Variants in DEAF1 observed in about 807,000 individuals in gnomAD.
DEAF1 encodes the protein deformed epidermal autoregulatory factor 1 homolog.
DEAF1 carries 53 observed loss-of-function variants against 58.9 expected under a neutral mutation model. The ratio of observed to expected loss-of-function variants is 0.90; its 90% CI spans 0.72 to 1.13. The LOEUF is 1.13. Ranked by LOEUF, DEAF1 falls within the 50% of genes most tolerant of loss-of-function variation. The pLI, the probability that DEAF1 is intolerant of heterozygous loss-of-function variation, is 0.00. For missense variants in DEAF1, 685 were observed against 791.4 expected, an observed-to-expected ratio of 0.87 and a Z score of 1.61; for synonymous variants, 385 against 340.4, an observed-to-expected ratio of 1.13 and a Z score of -1.44.
intron 10 of DEAF1, among the ~76,000 whole-genome samples, chr11:661,492 C>T (rs1466325046): frequency 5.3e-5 from 8 of 152,064 alleles, no homozygotes; most frequent in Non-Finnish European, 7.4e-5. Context: ...GGTGGATCAC[C>T]GGAGGTCAGG....
intron 2 of DEAF1, among the ~76,000 whole-genome samples, chr11:690,093 G>A (rs543641396): frequency 1.3e-5 from 2 of 148,490 alleles, no homozygotes; most frequent in South Asian, 2.2e-4. Context: ...TTGGGAGGCC[G>A]AGATGGTAGC....
chr11:678,687 AACCT>A lies in DEAF1; in HGVS notation c.1255+3_1255+6del. ...ACCTGTACATGTGTGAATTCTTTCA[AACCT>A]ACCTATTTTGGGATGTGACGTTGGC... On this transcript the variant is annotated splice_donor_5th_base_variant and intron_variant, in intron 9 of 11. Coordinates refer to ENST00000382409, the MANE Select transcript of DEAF1 (RefSeq NM_021008.4). 6.2e-7 allele frequency: 1 copy of A among 1,614,014 alleles called. No homozygotes were observed. The highest frequency in any genetic ancestry group is 8.5e-7 in the Non-Finnish European group (1 of 1,179,936).
Position 688,457 on chromosome 11 carries a change from C to T in DEAF1, c.391G>A (p.Gly131Ser), listed in dbSNP as rs1467315777. 1.2e-6 allele frequency: 2 copies of T among 1,613,726 alleles called. No homozygotes were observed. The highest frequency in any genetic ancestry group is 1.7e-5 in the Admixed American group (1 of 60,014). ...TCCCCGATCTGAAGGGCCGTCCTAC[C>T]AGACTAGAAGGAAAAACCGCTCCGT... is the stretch of plus-strand genomic sequence containing the variant. Reference protein sequence around the residue: ...AASISGHVLSGRTALQIGDSL... With the variant: ...AASISGHVLSSRTALQIGDSL... Residue 131 changes from glycine to serine, a missense_variant, in exon 3 of 12, where the codon GGT becomes AGT. Around this residue, in one of 3 missense-constraint regions of DEAF1, gnomAD observed 132 missense variants for 234.3 expected, o/e 0.56. Coordinates refer to ENST00000382409, the MANE Select transcript of DEAF1 (RefSeq NM_021008.4). This position sits in a 1 kb window ranked among gnomAD's most constrained non-coding sequence, Gnocchi z 4.3.
chr11:684,796 G>C (rs570273733), intron 6 of DEAF1, 102 bp downstream of exon 6: 4 of 991,224 alleles, frequency 4.0e-6, no homozygotes, highest in Non-Finnish European at 6.3e-6. Context: ...CTCCAAGGCA[G>C]AGGGCAGGAG....
At chr11:653,826 C>T in intron 11 of DEAF1, 136 bp downstream of exon 11, 1 of 787,078 alleles carries the variant, frequency 1.3e-6, no homozygotes, top group Non-Finnish European at 2.2e-6. Context: ...AGGCAGGAGC[C>T]CCGGATTCCC....
At chr11:653,345 CAAT>C (rs755418003) in intron 11 of DEAF1, among the ~76,000 whole-genome samples, 8 of 68,626 alleles carry the variant, frequency 1.2e-4, no homozygotes. Flanking sequence ...GTGGAGGGCT[CAAT>C]AATAGAGGAA....
chr11:705,137 C>G (rs1410692906), intron 1 of DEAF1: 1 of 193,222 alleles, frequency 5.2e-6, no homozygotes, highest in Non-Finnish European at 1.1e-5. Context: ...CCAGGAAGTG[C>G]TCCGGCCAGC....
At chr11:666,722 A>G (rs1285801280) in intron 10 of DEAF1, among the ~76,000 whole-genome samples, 2 of 151,726 alleles carry the variant, frequency 1.3e-5, no homozygotes, top group African/African-American at 4.8e-5. Context: ...AAACAAAACA[A>G]CAAAGTATTA....
chr11:679,414 C>T (rs1438017362), intron 8 of DEAF1, among the ~76,000 whole-genome samples: 2 of 152,286 alleles, frequency 1.3e-5, no homozygotes, highest in African/African-American at 4.8e-5. Context: ...TGTTGCACAA[C>T]TGCAGTCAAA....
chr11:646,980 T>C (rs7116680), intron 11 of DEAF1, among the ~76,000 whole-genome samples: 1 of 151,044 alleles, frequency 6.6e-6, no homozygotes, highest in Non-Finnish European at 1.5e-5. Context: ...CAAAACCCTA[T>C]CTCTATAAAA....
chr11:703,624 T>G, intron 1 of DEAF1: 1 of 1,232,780 alleles, frequency 8.1e-7, no homozygotes, highest in Non-Finnish European at 1.0e-6. Context: ...TGTTTCCAAG[T>G]CGGGCTGGAG....
At chr11:665,120 A>T (rs1406633751) in intron 10 of DEAF1, among the ~76,000 whole-genome samples, 1 of 134,918 alleles carries the variant, frequency 7.4e-6, no homozygotes, top group Non-Finnish European at 1.6e-5. Context: ...GAGGAGGAGG[A>T]CAGGGTGTCA....
intron 10 of DEAF1, chr11:665,997 G>A (rs1483188469): frequency 1.3e-5 from 2 of 152,190 alleles, no homozygotes; most frequent in African/African-American, 2.4e-5. Context: ...AGCAGAAATG[G>A]ACGGCTGAAG....
chr11:649,092 A>C (rs575568609), intron 11 of DEAF1, among the ~76,000 whole-genome samples: 3 of 152,100 alleles, frequency 2.0e-5, no homozygotes, highest in Non-Finnish European at 4.4e-5. Flanking sequence ...CTCTACGAAA[A>C]ATACAAAAAT....
intron 11 of DEAF1, among the ~76,000 whole-genome samples, chr11:652,822 C>A (rs1473644889): frequency 1.9e-4 from 29 of 151,926 alleles, no homozygotes. Flanking sequence ...GTAGCTCACA[C>A]CTCTAAATCC....
rs1858372829 is a variant in DEAF1, at chr11:644,295, T to C, written c.*255A>G. ...TGTATGTGCGTCGCAGCACAGGCCC[T>C]GTGGGCAAGACCGGACGCTCATGAT... is the stretch of plus-strand genomic sequence containing the variant. On this transcript the variant is annotated 3_prime_UTR_variant, in exon 12 of 12. Transcript: ENST00000382409. The surrounding 1 kb of genome is among the most constrained non-coding windows in gnomAD (Gnocchi z 4.3). 5.1e-6 allele frequency: 3 copies of C among 585,484 alleles called. No homozygotes were observed. Among genetic ancestry groups the C allele is most frequent in the East Asian group, 2.9e-5 (1 of 34,544 alleles). 36.3% of individuals were successfully genotyped at this position (585,484 alleles called of 1,614,324 possible). A position where few individuals can be genotyped will look rare whatever the true frequency, so the allele number is the denominator to read the frequency against.
chr11:661,393 A>G (rs1011837893), intron 10 of DEAF1, among the ~76,000 whole-genome samples: 6 of 150,788 alleles, frequency 4.0e-5, no homozygotes, highest in African/African-American at 1.2e-4. Context: ...GCTGGGCTAC[A>G]TTTGATTTTT....
upstream of DEAF1, chr11:698,770 G>A: frequency 7.1e-7 from 1 of 1,413,876 alleles, no homozygotes; most frequent in Non-Finnish European, 1.0e-6. Flanking sequence ...CGAGATCAAA[G>A]GAAAATAAAG....
At chr11:648,611 G>T (rs1386764382) in intron 11 of DEAF1, among the ~76,000 whole-genome samples, 1 of 152,130 alleles carries the variant, frequency 6.6e-6, no homozygotes, top group Admixed American at 6.6e-5. Flanking sequence ...TTCTGTAGGT[G>T]AAAGGAGCTC....
Sources: allele counts gnomAD v4.1 joint callset (sites outside exome capture counted in the v4.1 genomes callset), GRCh38; gene constraint gnomAD v4.1.1; regional missense constraint gnomAD v4.1.1; non-coding constraint Gnocchi (gnomAD v3.1); transcripts MANE v1.5; gene names NCBI Gene and HGNC (gene_info 2026-07-23, HGNC 2026-07-21).